The following CCDC158 variants were observed in gnomAD, a reference collection of about 807,000 sequenced individuals.
CCDC158 encodes coiled-coil domain-containing protein 158.
Under a neutral mutation model 138.6 loss-of-function variants are expected in CCDC158, and 116 were observed. The observed-to-expected ratio is 0.84, with a 90% CI of 0.72 to 0.98. The LOEUF (loss-of-function observed/expected upper bound fraction) is 0.98. CCDC158 is among the 50% of genes least tolerant of loss of function. The pLI is 0.00. For missense variants in CCDC158, 1,265 were observed against 1,306.1 expected (o/e 0.97, Z 0.48); for synonymous variants, 436 against 442.4 (o/e 0.99, Z 0.18).
rs142194455 is a variant in CCDC158, at chr4:76,317,818, C to G, written c.3278-4572G>C. Among the ~76,000 whole-genome samples, 36 of 152,214 alleles carry G rather than the reference C, an allele frequency of 2.4e-4. No individual in the cohort carries two copies. In the East Asian group the frequency reaches 6.9e-3, roughly 29 times the overall value. ...AATGATATCAAGTATTCTCTCAGAC[C>G]ACAGTGGAATAAAACTAGAAATTAA... On this transcript the variant is annotated intron_variant, in intron 24 of 24. Coordinates refer to ENST00000682701, the MANE Select transcript of CCDC158 (RefSeq NM_001394954.1).
intron 4 of CCDC158, among the ~76,000 whole-genome samples, chr4:76,387,337 C>G: frequency 6.6e-6 from 1 of 152,134 alleles, no homozygotes; most frequent in Non-Finnish European, 1.5e-5. Context: ...AAAAGGGAAC[C>G]CATTGCCTTG....
intron 12 of CCDC158, among the ~76,000 whole-genome samples, chr4:76,363,113 G>A (rs1273879275): frequency 1.3e-5 from 2 of 152,168 alleles, no homozygotes; most frequent in Non-Finnish European, 2.9e-5. Flanking sequence ...TGCAAACAAT[G>A]TGTTCATGCT....
At chr4:76,372,670 A>C (rs1182974806) in intron 9 of CCDC158, among the ~76,000 whole-genome samples, 1 of 152,194 alleles carries the variant, frequency 6.6e-6, no homozygotes, top group Non-Finnish European at 1.5e-5. Flanking sequence ...ACAGTAGGAC[A>C]ATTTATTTAA....
intron 13 of CCDC158, among the ~76,000 whole-genome samples, chr4:76,359,914 T>G (rs150911191): frequency 1.3e-5 from 2 of 152,124 alleles, no homozygotes; most frequent in African/African-American, 4.8e-5. Context: ...GCTAAGACAA[T>G]GGGGAAAATG....
chr4:76,350,962 A>G, intron 18 of CCDC158, 34 bp downstream of exon 18: 3 of 1,600,660 alleles, frequency 1.9e-6, no homozygotes, highest in Non-Finnish European at 2.6e-6. Context: ...CGCATATGTC[A>G]TTTGCGTAAT....
At position 76,313,158 on chromosome 4, in the gene CCDC158, G is replaced by A. The variant is rs546368205; in HGVS notation, c.*12C>T. 19 of 1,569,866 alleles carry A rather than the reference G, an allele frequency of 1.2e-5. 2 individuals are homozygous for A. The highest frequency in any genetic ancestry group is 5.4e-5 in the African/African-American group (4 of 73,702). On this transcript the variant is annotated 3_prime_UTR_variant, in exon 25 of 25. Coordinates refer to ENST00000682701, the MANE Select transcript of CCDC158 (RefSeq NM_001394954.1). ...GGCCTCATTCCTCTGTAAAGAATAG[G>A]CAAGCAACGAGTCATTTTAGTAACA...
At chr4:76,399,798 G>A (rs896970460) in intron 3 of CCDC158, among the ~76,000 whole-genome samples, 4 of 152,254 alleles carry the variant, frequency 2.6e-5, no homozygotes, top group Admixed American at 1.3e-4. Flanking sequence ...AGGTTCAAAC[G>A]GAGAGAAAAA....
At chr4:76,402,994 G>T in intron 3 of CCDC158, 144 bp downstream of exon 3, 1 of 598,218 alleles carries the variant, frequency 1.7e-6, no homozygotes, top group Non-Finnish European at 2.8e-6. Flanking sequence ...TCAAAAAGTA[G>T]AATTATAAAC....
intron 14 of CCDC158, chr4:76,356,549 C>G (rs529694757): frequency 6.6e-6 from 1 of 152,012 alleles, no homozygotes; most frequent in Non-Finnish European, 1.5e-5. Flanking sequence ...AAAGACCTCT[C>G]GAGTGACTTC....
At chr4:76,390,494 T>C (rs1301734678) in intron 4 of CCDC158, among the ~76,000 whole-genome samples, 1 of 151,184 alleles carries the variant, frequency 6.6e-6, no homozygotes, top group Non-Finnish European at 1.5e-5. Context: ...GGCTTAAAAA[T>C]AAAGAAATCA....
intron 1 of CCDC158, among the ~76,000 whole-genome samples, chr4:76,414,107 C>T (rs919628700): frequency 6.6e-6 from 1 of 152,024 alleles, no homozygotes; most frequent in African/African-American, 2.4e-5. Context: ...CGGGGTTTTG[C>T]CATGTTGCGC....
intron 3 of CCDC158, chr4:76,401,191 G>T (rs1728352584): frequency 6.3e-6 from 2 of 319,996 alleles, no homozygotes; most frequent in Admixed American, 3.6e-5. Flanking sequence ...GAGTGAGATG[G>T]TTGAAAGATA....
chr4:76,356,371 TG>T (rs1221664679), intron 14 of CCDC158, among the ~76,000 whole-genome samples: 12 of 41,068 alleles, frequency 2.9e-4, no homozygotes, highest in Non-Finnish European at 4.6e-4. Context: ...CTAAAACAAA[TG>T]TTTTTTTTTT....
At chr4:76,353,491 T>C (rs967681122) in intron 15 of CCDC158, among the ~76,000 whole-genome samples, 4 of 152,222 alleles carry the variant, frequency 2.6e-5, no homozygotes, top group African/African-American at 7.2e-5. Context: ...GTATTATTAC[T>C]TCTTTCTAGT....
chr4:76,415,310 C>T (rs1472451060), intron 1 of CCDC158, among the ~76,000 whole-genome samples: 2 of 152,060 alleles, frequency 1.3e-5, no homozygotes, highest in Non-Finnish European at 2.9e-5. Flanking sequence ...GACCCGGGTA[C>T]TGTTAAAGCC....
In CCDC158 at chr4:76,323,284, CA is replaced by C; in HGVS notation, c.3277+17del. ...TTCTCATGAGCGAGGAAGATCTCTC[CA>C]AAAACGTACACTGTACCTTGGTTCT... is the stretch of plus-strand genomic sequence containing the variant. On this transcript the variant is annotated intron_variant, in intron 24 of 24. Coordinates refer to ENST00000682701, the MANE Select transcript of CCDC158 (RefSeq NM_001394954.1). 6.4e-7 allele frequency: 1 copy of C among 1,569,272 alleles called. No homozygotes were observed. Among genetic ancestry groups the C allele is most frequent in the Non-Finnish European group, 8.7e-7 (1 of 1,147,392 alleles).
At position 76,384,235 on chromosome 4, in the gene CCDC158, T is replaced by C. The variant is rs1726562161; in HGVS notation, c.579A>G (p.Leu193=). 6.2e-7 allele frequency: 1 copy of C among 1,614,168 alleles called. No individual in the cohort carries two copies. Among genetic ancestry groups the C allele is most frequent in the East Asian group, 2.2e-5 (1 of 44,874 alleles). Residue 193 remains leucine, a synonymous_variant, in exon 6 of 25, where the codon CTA becomes CTG. Coordinates refer to ENST00000682701, the MANE Select transcript of CCDC158 (RefSeq NM_001394954.1). The part of the protein sequence containing the change: ...EGVLQEIRSI[L]VDFEEASGKK... ...TGCCTGAGGCTTCTTCAAAGTCAAC[T>C]AGGATTGACCGGATTTCTTGAAGCA...
chr4:76,320,949 G>C (rs1227794879), intron 24 of CCDC158, among the ~76,000 whole-genome samples: 1 of 152,116 alleles, frequency 6.6e-6, no homozygotes, highest in Admixed American at 6.6e-5. Context: ...CATAGCAAAA[G>C]AAATAAGCAG....
intron 8 of CCDC158, among the ~76,000 whole-genome samples, chr4:76,380,709 TAAG>T (rs1726152354): frequency 6.6e-6 from 1 of 152,050 alleles, no homozygotes; most frequent in African/African-American, 2.4e-5. Context: ...GAAATTTGCA[TAAG>T]AAGAGGTGCA....
Sources: allele counts gnomAD v4.1 joint callset (sites outside exome capture counted in the v4.1 genomes callset), GRCh38; gene constraint gnomAD v4.1.1; transcripts MANE v1.5; gene names NCBI Gene and HGNC (gene_info 2026-07-23, HGNC 2026-07-21).